Variants in CAP2 observed in about 807,000 individuals in gnomAD.
CAP2 encodes cyclase associated actin cytoskeleton regulatory protein 2.
CAP2 carries 24 observed loss-of-function variants against 57.7 expected under a neutral mutation model. The ratio of observed to expected loss-of-function variants is 0.42; its 90% CI spans 0.30 to 0.58. The LOEUF (loss-of-function observed/expected upper bound fraction) is 0.58, where lower values mean the gene tolerates loss of function less well. Ranked by LOEUF, CAP2 falls within the 20% of genes least tolerant of loss-of-function variation. CAP2 has a pLI of 0.22. For missense variants in CAP2, 501 were observed against 590.3 expected, an observed-to-expected ratio of 0.85 and a Z score of 1.57; for synonymous variants, 194 against 207.2, an observed-to-expected ratio of 0.94 and a Z score of 0.55.
At chr6:17,452,720 G>C (rs1166231245) in intron 3 of CAP2, among the ~76,000 whole-genome samples, 1 of 152,180 alleles carries the variant, frequency 6.6e-6, no homozygotes, top group African/African-American at 2.4e-5. Flanking sequence ...AGCAATCCAA[G>C]TAAAACAGCG....
At chr6:17,457,819 A>G (rs1760615960) in intron 3 of CAP2, among the ~76,000 whole-genome samples, 1 of 152,228 alleles carries the variant, frequency 6.6e-6, no homozygotes, top group Admixed American at 6.5e-5. Context: ...AGAAAGTAAA[A>G]AGGCTAATGA....
At chr6:17,433,085 A>G (rs1403615947) in intron 3 of CAP2, among the ~76,000 whole-genome samples, 1 of 151,956 alleles carries the variant, frequency 6.6e-6, no homozygotes, top group African/African-American at 2.4e-5. Context: ...GATCTCAGCA[A>G]TGCAGTGGCA....
chr6:17,421,752 G>A lies in CAP2; in HGVS notation c.121+76G>A, dbSNP rs1166429402. 2.6e-6 allele frequency: 4 copies of A among 1,540,198 alleles called. No homozygotes were observed. In the Admixed American group the frequency reaches 5.0e-5, roughly 19 times the overall value. ...TTTGTTTCCATAATTTCACTCTCAA[G>A]GAACATTTCTATTATCCTTCAGCTT... On this transcript the variant is annotated intron_variant, in intron 2 of 12. Transcript: ENST00000229922.
intron 5 of CAP2, 44 bp from the exon 6 acceptor site, chr6:17,507,596 AT>A (rs763107046): frequency 2.2e-4 from 247 of 1,128,986 alleles, no homozygotes; most frequent in Non-Finnish European, 2.8e-4. Flanking sequence ...TTCTTATCCT[AT>A]TTTTTTTTCC....
intron 6 of CAP2, among the ~76,000 whole-genome samples, chr6:17,511,222 G>A (rs1193080096): frequency 2.6e-5 from 4 of 152,014 alleles, no homozygotes; most frequent in African/African-American, 2.4e-5. Flanking sequence ...AGCGGACTAA[G>A]CAGCATACTC....
intron 2 of CAP2, among the ~76,000 whole-genome samples, chr6:17,426,201 A>G (rs560353506): frequency 2.0e-5 from 3 of 151,192 alleles, no homozygotes; most frequent in Non-Finnish European, 4.4e-5. Context: ...AAACTTCCAT[A>G]TTGCCTATGG....
chr6:17,479,087 C>T (rs1246565038), intron 4 of CAP2, among the ~76,000 whole-genome samples: 1 of 152,148 alleles, frequency 6.6e-6, no homozygotes, highest in Admixed American at 6.5e-5. Flanking sequence ...TGGTGGGGTC[C>T]GTCACTCATC....
chr6:17,496,032 G>GGGA (rs1761660295), intron 4 of CAP2, among the ~76,000 whole-genome samples: 9 of 132,524 alleles, frequency 6.8e-5, no homozygotes, highest in Non-Finnish European at 1.3e-4. Flanking sequence ...GTGGGTGGGG[G>GGGA]GGGGGGGTAA....
At chr6:17,445,416 A>G (rs1760231800) in intron 3 of CAP2, among the ~76,000 whole-genome samples, 1 of 152,190 alleles carries the variant, frequency 6.6e-6, no homozygotes. Context: ...CTCTATAAAT[A>G]TTTTAAACTG....
At chr6:17,470,023 C>T (rs963858520) in intron 4 of CAP2, among the ~76,000 whole-genome samples, 1 of 152,210 alleles carries the variant, frequency 6.6e-6, no homozygotes, top group Non-Finnish European at 1.5e-5. Context: ...TTTAATAAAA[C>T]ATATTAATTT....
chr6:17,509,121 C>T (rs1762073443), intron 6 of CAP2, among the ~76,000 whole-genome samples: 1 of 151,694 alleles, frequency 6.6e-6, no homozygotes, highest in South Asian at 2.1e-4. Context: ...GGGTCTACAA[C>T]AATATAAGAC....
intron 7 of CAP2, among the ~76,000 whole-genome samples, chr6:17,518,024 T>C (rs1018202233): frequency 6.6e-6 from 1 of 152,164 alleles, no homozygotes; most frequent in East Asian, 1.9e-4. Context: ...ATATTATACA[T>C]ATTATGTGCT....
intron 12 of CAP2, among the ~76,000 whole-genome samples, chr6:17,552,389 CTGTA>C (rs1763190971): frequency 6.6e-6 from 1 of 152,204 alleles, no homozygotes; most frequent in African/African-American, 2.4e-5. Context: ...TGGCTTACCC[CTGTA>C]ATGCCAGCAC....
chr6:17,419,144 A>AC (rs1207912861), intron 1 of CAP2, among the ~76,000 whole-genome samples: 1 of 152,250 alleles, frequency 6.6e-6, no homozygotes, highest in East Asian at 1.9e-4. Flanking sequence ...TGATAAGTAT[A>AC]ACCTTGCTTT....
At chr6:17,532,727 G>C (rs189131628) in intron 7 of CAP2, among the ~76,000 whole-genome samples, 1 of 124,646 alleles carries the variant, frequency 8.0e-6, no homozygotes, top group African/African-American at 3.2e-5. Context: ...CAGCCTGGGC[G>C]ACTGAGCGAT....
chr6:17,453,307 A>T (rs143261166), intron 3 of CAP2, among the ~76,000 whole-genome samples: 1 of 152,216 alleles, frequency 6.6e-6, no homozygotes, highest in Non-Finnish European at 1.5e-5. Flanking sequence ...ATTGAGGTCT[A>T]GATGGTGTAG....
intron 12 of CAP2, among the ~76,000 whole-genome samples, chr6:17,555,237 C>T (rs531108850): frequency 6.6e-6 from 1 of 152,060 alleles, no homozygotes; most frequent in Admixed American, 6.5e-5. Flanking sequence ...TCTTGTTGCC[C>T]AGGCTGGAGT....
intron 4 of CAP2, among the ~76,000 whole-genome samples, chr6:17,503,604 CAAAAAAAAA>C (rs763364878): frequency 1.4e-5 from 1 of 73,358 alleles, no homozygotes; most frequent in African/African-American, 4.8e-5. Context: ...AACTCTATCT[CAAAAAAAAA>C]AAAAAAAAAA....
chr6:17,541,988 TAA>T (rs1044909846), intron 9 of CAP2, among the ~76,000 whole-genome samples: 8 of 152,194 alleles, frequency 5.3e-5, no homozygotes, highest in African/African-American at 1.9e-4. Flanking sequence ...TCAGTGGCAT[TAA>T]GTCTGTTCAT....
Sources: allele counts gnomAD v4.1 joint callset (sites outside exome capture counted in the v4.1 genomes callset), GRCh38; gene constraint gnomAD v4.1.1; transcripts MANE v1.5; gene names NCBI Gene and HGNC (gene_info 2026-07-23, HGNC 2026-07-21).